DRC7: variants seen among roughly 807,000 people sequenced by gnomAD.
DRC7 encodes the protein dynein regulatory complex subunit 7.
In DRC7, 80 loss-of-function variants were observed where a neutral mutation model predicts 104.4. The observed-to-expected ratio is 0.77, with a 90% CI of 0.64 to 0.92. The LOEUF (loss-of-function observed/expected upper bound fraction) is 0.92, where lower values mean the gene tolerates loss of function less well. Ranked by LOEUF, DRC7 falls within the 40% of genes least tolerant of loss-of-function variation. The probability of loss-of-function intolerance (pLI) is 0.00; values close to 1 mark genes in which losing one functional copy is unlikely to be tolerated. For synonymous variants in DRC7, 405 were observed against 447.3 expected, an observed-to-expected ratio of 0.91 and a Z score of 1.19; for missense variants, 1,034 against 1,141.1, an observed-to-expected ratio of 0.91 and a Z score of 1.35.
intron 9 of DRC7, among the ~76,000 whole-genome samples, chr16:57,720,378 T>A (rs2048890100): frequency 6.6e-6 from 1 of 152,182 alleles, no homozygotes; most frequent in African/African-American, 2.4e-5. Flanking sequence ...TGCTAAATGT[T>A]CTCAGCATCC....
chr16:57,707,017 T>C (rs1185703638), intron 7 of DRC7, among the ~76,000 whole-genome samples: 1 of 152,158 alleles, frequency 6.6e-6, no homozygotes, highest in Admixed American at 6.5e-5. Flanking sequence ...CACTCCCTTC[T>C]TTCCTTTCCT....
intron 12 of DRC7, 43 bp from the exon 13 acceptor site, chr16:57,724,572 T>G: frequency 6.9e-7 from 1 of 1,445,458 alleles, no homozygotes; most frequent in Non-Finnish European, 9.5e-7. Flanking sequence ...TACTTCCTAG[T>G]GCTTATGAAG....
At chr16:57,715,416 C>T (rs1190032460) in intron 8 of DRC7, among the ~76,000 whole-genome samples, 4 of 152,136 alleles carry the variant, frequency 2.6e-5, no homozygotes, top group African/African-American at 4.8e-5. Flanking sequence ...GTCAGAGGGG[C>T]GACTGCCAGC....
chr16:57,718,215 G>T, intron 8 of DRC7, 132 bp from the exon 9 acceptor site: 1 of 1,183,450 alleles, frequency 8.4e-7, no homozygotes, highest in Non-Finnish European at 1.2e-6. Flanking sequence ...TGGGACTGAC[G>T]TTCTGCTTCC....
At position 57,698,967 on chromosome 16, in the gene DRC7, T is replaced by C. The variant is rs767327391; in HGVS notation, c.321T>C (p.His107=). The C allele has an allele frequency of 1.2e-6, 2 of 1,614,208 alleles. No individual in the cohort carries two copies. The highest frequency in any genetic ancestry group is 2.2e-5 in the East Asian group (1 of 44,882). The change falls in exon 4 of 19, where the codon CAT becomes CAC. Residue 107 remains histidine (H), a synonymous_variant. Transcript: ENST00000360716. ...ACAACTTCTCCCGCCAGTACAGCCA[T>C]CTGTGCCCGGACCGCGTGCCCCTCT... ...VADNFSRQYS[H]LCPDRVPLFL...
intron 14 of DRC7, 120 bp from the exon 15 acceptor site, chr16:57,726,712 G>T: frequency 1.6e-6 from 1 of 630,390 alleles, no homozygotes; most frequent in Non-Finnish European, 2.9e-6. Flanking sequence ...GCTCAGAGAG[G>T]TTTAGCAACT....
intron 16 of DRC7, 44 bp downstream of exon 16, chr16:57,727,453 C>T: frequency 7.0e-7 from 1 of 1,428,182 alleles, no homozygotes; most frequent in Non-Finnish European, 9.9e-7. Context: ...TTCCTAGACC[C>T]CCCTGGTCTC....
At chr16:57,728,830 ATGGATGGATAGATGGG>A (rs1398395098) in intron 17 of DRC7, among the ~76,000 whole-genome samples, 32 of 138,610 alleles carry the variant, frequency 2.3e-4, no homozygotes, top group African/African-American at 9.0e-4. Context: ...GGGTGGATGG[ATGGATGGATAGATGGG>A]TGGATGAATG....
chr16:57,698,740 T>C (rs1199921226), intron 3 of DRC7, 110 bp from the exon 4 acceptor site: 12 of 995,158 alleles, frequency 1.2e-5, no homozygotes, highest in Non-Finnish European at 1.7e-5. Flanking sequence ...GCCTTCTCAG[T>C]AGCCGTGAGG....
At chr16:57,697,881 C>T (rs1475264271) in intron 2 of DRC7, 32 bp from the exon 3 acceptor site, 66 of 1,548,910 alleles carry the variant, frequency 4.3e-5, no homozygotes, top group Admixed American at 4.1e-4. Context: ...GGCTGACAGT[C>T]GGCCATGGAG....
chr16:57,729,977 G>C lies in DRC7; in HGVS notation c.2392-954G>C, dbSNP rs562469380. On this transcript the variant is annotated intron_variant, in intron 17 of 18. Coordinates refer to ENST00000360716, the MANE Select transcript of DRC7 (RefSeq NM_001289162.2). ...GGATGGATGGATGGATGGGCGAGTG[G>C]ATAGATGGACGGTTGGATGGGCGAG... Among the ~76,000 whole-genome samples, 208 of 141,730 alleles carry C rather than the reference G, an allele frequency of 1.5e-3. 2 individuals carry two copies. The highest frequency in any genetic ancestry group is 2.8e-3 in the Non-Finnish European group (185 of 65,682). The allele number at this position is 141,730 out of a possible 152,430, so 93.0% of individuals were successfully genotyped here.
intron 1 of DRC7, among the ~76,000 whole-genome samples, chr16:57,695,995 A>G (rs2048589073): frequency 6.6e-6 from 1 of 152,180 alleles, no homozygotes; most frequent in African/African-American, 2.4e-5. Context: ...CACCCAGGGA[A>G]GTGGGGGATG....
At chr16:57,727,230 C>A in intron 15 of DRC7, 69 bp from the exon 16 acceptor site, 1 of 1,329,058 alleles carries the variant, frequency 7.5e-7, no homozygotes, top group South Asian at 1.2e-5. Context: ...CTTGGCTTCC[C>A]AAAGTGCTGG....
chr16:57,727,107 C>A, intron 15 of DRC7, 165 bp downstream of exon 15: 1 of 649,186 alleles, frequency 1.5e-6, no homozygotes, highest in Admixed American at 2.6e-5. Context: ...ACCACTAGCG[C>A]ACACCACCAT....
intron 2 of DRC7, 70 bp from the exon 3 acceptor site, chr16:57,697,842 GC>G (rs1467580531): frequency 6.6e-7 from 1 of 1,503,874 alleles, no homozygotes; most frequent in African/African-American, 1.4e-5. Flanking sequence ...TCCCGGGGAT[GC>G]CCAGATGGTG....
intron 1 of DRC7, among the ~76,000 whole-genome samples, chr16:57,695,065 A>G (rs1163089336): frequency 1.3e-5 from 2 of 152,044 alleles, no homozygotes; most frequent in African/African-American, 2.4e-5. Flanking sequence ...GGCAGAATCT[A>G]AGGAACCTTG....
intron 11 of DRC7, 74 bp downstream of exon 11, chr16:57,722,915 A>G: frequency 6.2e-7 from 1 of 1,612,376 alleles, no homozygotes; most frequent in Non-Finnish European, 8.5e-7. Context: ...CTCTGGGGTC[A>G]TTGCTGGCCT....
chr16:57,700,162 C>G lies in DRC7; in HGVS notation c.396C>G (p.Thr132=), dbSNP rs1239524278. 2 of 1,613,872 alleles carry G rather than the reference C, an allele frequency of 1.2e-6. No homozygotes were observed. The highest frequency in any genetic ancestry group is 2.7e-5 in the African/African-American group (2 of 74,916). The change falls in exon 5 of 19, where the codon ACC becomes ACG. Residue 132 remains threonine, a synonymous_variant. Transcript: ENST00000360716. The part of the protein sequence containing the change: ...ECEVPKFVST[T]LRPTLMPYPE... ...CCTTGCAGAAGTTCGTGAGCACAACCCTCCGGCCCACACTGATGCCCTACC... is the reference window on the plus strand; with the variant it reads ...CCTTGCAGAAGTTCGTGAGCACAACGCTCCGGCCCACACTGATGCCCTACC...
intron 14 of DRC7, 59 bp from the exon 15 acceptor site, chr16:57,726,773 T>C: frequency 1.9e-6 from 2 of 1,046,380 alleles, no homozygotes; most frequent in Non-Finnish European, 2.9e-6. Flanking sequence ...TGAACCCAGG[T>C]GGTCCTATGC....
Sources: gnomAD v4.1 joint callset for allele counts (sites outside exome capture counted in the v4.1 genomes callset) on GRCh38, gnomAD v4.1.1 for gene constraint, MANE v1.5 for transcripts, NCBI Gene and HGNC (gene_info 2026-07-23, HGNC 2026-07-21) for gene names.